Variants in NAALADL2 observed in about 807,000 individuals in gnomAD.
The protein encoded by NAALADL2 is inactive N-acetylated-alpha-linked acidic dipeptidase-like protein 2.
A neutral mutation model predicts 87.2 loss-of-function variants in NAALADL2; 76 were observed. The observed-to-expected ratio is 0.87, with a 90% CI of 0.72 to 1.05. NAALADL2 has a LOEUF of 1.05. Ranked by LOEUF, NAALADL2 falls within the 50% of genes least tolerant of loss-of-function variation. The pLI is 0.00. For synonymous variants in NAALADL2, 354 were observed against 331.0 expected (o/e 1.07, Z -0.75); for missense variants, 1,089 against 945.8 (o/e 1.15, Z -1.99).
intron 1 of NAALADL2, among the ~76,000 whole-genome samples, chr3:175,027,820 G>A (rs1282480731): frequency 1.3e-5 from 2 of 151,968 alleles, no homozygotes; most frequent in Admixed American, 1.3e-4. Flanking sequence ...CCTTGAAATG[G>A]CAAATGGTTG....
At chr3:175,245,933 T>G (rs1397786052) in intron 3 of NAALADL2, among the ~76,000 whole-genome samples, 7 of 152,178 alleles carry the variant, frequency 4.6e-5, no homozygotes, top group African/African-American at 1.7e-4. Context: ...TGGAACACTA[T>G]TTTGATAAAG....
chr3:175,659,580 A>C (rs891615922), intron 11 of NAALADL2, among the ~76,000 whole-genome samples: 1 of 152,170 alleles, frequency 6.6e-6, no homozygotes, highest in Non-Finnish European at 1.5e-5. Flanking sequence ...GTAGGTCTTG[A>C]TGATAAGTTC....
intron 2 of NAALADL2, among the ~76,000 whole-genome samples, chr3:174,719,044 C>T (rs1054632737): frequency 3.9e-5 from 6 of 152,130 alleles, no homozygotes; most frequent in Admixed American, 1.3e-4. Context: ...GTTATCACTC[C>T]ATAGACTGTT....
chr3:175,736,679 C>T (rs1248148797), intron 11 of NAALADL2, among the ~76,000 whole-genome samples: 1 of 152,178 alleles, frequency 6.6e-6, no homozygotes, highest in Non-Finnish European at 1.5e-5. Flanking sequence ...ACAAATCAGC[C>T]AAACTTCACG....
chr3:174,601,988 C>A (rs1718504130), intron 2 of NAALADL2, among the ~76,000 whole-genome samples: 1 of 152,122 alleles, frequency 6.6e-6, no homozygotes, highest in African/African-American at 2.4e-5. Context: ...GTTCTGTATT[C>A]TGTTCCACTG....
intron 2 of NAALADL2, among the ~76,000 whole-genome samples, chr3:175,145,952 T>C (rs1400930315): frequency 6.6e-6 from 1 of 152,108 alleles, no homozygotes; most frequent in Non-Finnish European, 1.5e-5. Flanking sequence ...CTGACTCCTG[T>C]GGATGTGGAA....
intron 3 of NAALADL2, among the ~76,000 whole-genome samples, chr3:175,254,552 G>T (rs895234604): frequency 3.3e-5 from 5 of 152,088 alleles, no homozygotes; most frequent in Admixed American, 3.3e-4. Context: ...AACAAGTAAG[G>T]TTTTCCTTGA....
chr3:174,774,630 C>A (rs1022878359), intron 3 of NAALADL2, among the ~76,000 whole-genome samples: 1 of 152,140 alleles, frequency 6.6e-6, no homozygotes. Flanking sequence ...TTAGCAGACC[C>A]ATGGGGAGTT....
At chr3:175,447,195 C>T (rs1206173439) in intron 5 of NAALADL2, 34 bp from the exon 6 acceptor site, 1 of 1,453,616 alleles carries the variant, frequency 6.9e-7, no homozygotes, top group Non-Finnish European at 9.2e-7. Flanking sequence ...TTTCTGTTTA[C>T]TAAGGATTAT....
chr3:175,769,017 T>A (rs950052302), intron 13 of NAALADL2, among the ~76,000 whole-genome samples: 2 of 152,224 alleles, frequency 1.3e-5, no homozygotes, highest in Non-Finnish European at 2.9e-5. Flanking sequence ...CTATTACTCC[T>A]ATCTAGACTG....
intron 9 of NAALADL2, among the ~76,000 whole-genome samples, chr3:175,528,397 A>G (rs1468538453): frequency 6.6e-6 from 1 of 152,054 alleles, no homozygotes; most frequent in Admixed American, 6.6e-5. Flanking sequence ...TGCCTGCTTT[A>G]TATTCTAGCT....
At chr3:175,389,993 T>C (rs1392049515) in intron 5 of NAALADL2, among the ~76,000 whole-genome samples, 2 of 152,188 alleles carry the variant, frequency 1.3e-5, no homozygotes, top group Non-Finnish European at 2.9e-5. Flanking sequence ...TATTAATTCT[T>C]AAGTAATTCT....
At chr3:175,031,623 G>A (rs959123282) in intron 1 of NAALADL2, among the ~76,000 whole-genome samples, 1 of 151,924 alleles carries the variant, frequency 6.6e-6, no homozygotes, top group Non-Finnish European at 1.5e-5. Flanking sequence ...ATTTTCTTTT[G>A]AGTATATACC....
chr3:174,552,689 G>T (rs1172154036), intron 2 of NAALADL2, among the ~76,000 whole-genome samples: 1 of 150,994 alleles, frequency 6.6e-6, no homozygotes. Context: ...CCAGCTACTC[G>T]GAAGGCTGAG....
At chr3:174,661,497 G>A (rs1725499579) in intron 2 of NAALADL2, among the ~76,000 whole-genome samples, 2 of 152,094 alleles carry the variant, frequency 1.3e-5, no homozygotes, top group Admixed American at 1.3e-4. Flanking sequence ...AAGGACATAT[G>A]TAAATATTGG....
At chr3:174,791,884 G>T (rs1343549832) in intron 3 of NAALADL2, among the ~76,000 whole-genome samples, 1 of 152,124 alleles carries the variant, frequency 6.6e-6, no homozygotes, top group Non-Finnish European at 1.5e-5. Flanking sequence ...CTGGCACAGA[G>T]GAAGTGTCCA....
chr3:175,055,214 T>G (rs9838351), intron 1 of NAALADL2, among the ~76,000 whole-genome samples: 1,993 of 152,306 alleles, frequency 0.013, 49 homozygotes, highest in African/African-American at 0.046. Context: ...TTAATTTCAC[T>G]TTTTCCCATT....
intron 11 of NAALADL2, among the ~76,000 whole-genome samples, chr3:175,706,878 G>A (rs1230393789): frequency 6.6e-6 from 1 of 151,948 alleles, no homozygotes; most frequent in Non-Finnish European, 1.5e-5. Flanking sequence ...TTTATCCAGG[G>A]CACTCATAAT....
At chr3:174,626,442 G>A (rs1046057695) in intron 2 of NAALADL2, among the ~76,000 whole-genome samples, 1 of 151,750 alleles carries the variant, frequency 6.6e-6, no homozygotes, top group Non-Finnish European at 1.5e-5. Context: ...ACCTATTTAT[G>A]CCTTTGCTTA....
Sources: allele counts gnomAD v4.1 joint callset (sites outside exome capture counted in the v4.1 genomes callset), GRCh38; gene constraint gnomAD v4.1.1; transcripts MANE v1.5; gene names NCBI Gene and HGNC (gene_info 2026-07-23, HGNC 2026-07-21).